Variants in TBC1D14 observed in about 807,000 individuals in gnomAD.
TBC1D14 encodes the protein TBC1 domain family member 14.
A neutral mutation model predicts 79.0 loss-of-function variants in TBC1D14; 26 were observed. That is an observed-to-expected ratio of 0.33 (90% CI 0.24 to 0.46). TBC1D14 has a LOEUF of 0.46. TBC1D14 is among the 20% of genes least tolerant of loss of function. TBC1D14 has a pLI of 1.00. For missense variants in TBC1D14, 769 were observed against 887.6 expected, an observed-to-expected ratio of 0.87 and a Z score of 1.70; for synonymous variants, 394 against 349.9, an observed-to-expected ratio of 1.13 and a Z score of -1.40.
At chr4:7,017,122 G>A (rs564944104) in intron 12 of TBC1D14, among the ~76,000 whole-genome samples, 96 of 152,272 alleles carry the variant, frequency 6.3e-4, no homozygotes, top group African/African-American at 1.3e-3. Context: ...CCAATGTGGC[G>A]AAACCCCGTC....
intron 2 of TBC1D14, among the ~76,000 whole-genome samples, chr4:6,949,285 C>A (rs543234285): frequency 6.6e-6 from 1 of 152,044 alleles, no homozygotes; most frequent in East Asian, 1.9e-4. Context: ...TTTTTCATTT[C>A]TATATAGATT....
At position 7,024,708 on chromosome 4, in the gene TBC1D14, G is replaced by A. The variant is rs558001627; in HGVS notation, c.1758-296G>A. 2.0e-5 allele frequency among the ~76,000 whole-genome samples: 3 copies of A among 152,344 alleles called. No homozygotes were observed. In the South Asian group the frequency reaches 6.2e-4, roughly 32 times the overall value. ...CAGCGGCCCCTAAGACAGGATGCCT[G>A]CCCCCACAGCGTGAGCACACAGTAG... On this transcript the variant is annotated intron_variant, in intron 12 of 13. Coordinates refer to ENST00000409757, the MANE Select transcript of TBC1D14 (RefSeq NM_020773.3).
chr4:7,001,286 C>T (rs1719650537), intron 7 of TBC1D14, 35 bp downstream of exon 7: 1 of 1,566,270 alleles, frequency 6.4e-7, no homozygotes, highest in Non-Finnish European at 8.8e-7. Flanking sequence ...GAGTCCACCT[C>T]CAGGCCCTTT....
intron 1 of TBC1D14, among the ~76,000 whole-genome samples, chr4:6,921,847 C>T (rs201576861): frequency 1.3e-5 from 2 of 152,044 alleles, no homozygotes; most frequent in African/African-American, 2.4e-5. Context: ...CAGGCGCACA[C>T]CACCACGCCT....
intron 3 of TBC1D14, among the ~76,000 whole-genome samples, chr4:6,981,522 C>G (rs1279403984): frequency 6.6e-6 from 1 of 152,178 alleles, no homozygotes; most frequent in African/African-American, 2.4e-5. Flanking sequence ...TACTTCCTCA[C>G]TCATTTTAAA....
chr4:6,994,527 T>C (rs1718813883), intron 4 of TBC1D14, among the ~76,000 whole-genome samples: 1 of 152,158 alleles, frequency 6.6e-6, no homozygotes. Context: ...TCCGTTCAGG[T>C]AATTTTTCTT....
At position 6,931,307 on chromosome 4, in the gene TBC1D14, G is replaced by A. The variant is rs572870351; in HGVS notation, c.722+7196G>A. 1.1e-4 allele frequency among the ~76,000 whole-genome samples: 16 copies of A among 152,310 alleles called. No homozygotes were observed. In the East Asian group the frequency reaches 1.5e-3, roughly 15 times the overall value. Reference sequence around the variant, plus strand: ...ATTTTCAGCAGATTGATTACCTCTCGATTGCAGAATGTCTGCACTTCTTTT... The same window carrying A: ...ATTTTCAGCAGATTGATTACCTCTCAATTGCAGAATGTCTGCACTTCTTTT... On this transcript the variant is annotated intron_variant, in intron 2 of 13. Transcript: ENST00000409757.
At chr4:6,945,749 C>CAAAAAAAAAAAAAAAAAAAAAAA (rs71173472) in intron 2 of TBC1D14, among the ~76,000 whole-genome samples, 4 of 64,134 alleles carry the variant, frequency 6.2e-5, no homozygotes, top group Non-Finnish European at 1.1e-4. Flanking sequence ...AACTGCGTCT[C>CAAAAAAAAAAAAAAAAAAAAAAA]AAAAAAAAAA....
At chr4:7,007,280 G>A (rs180901361) in intron 9 of TBC1D14, among the ~76,000 whole-genome samples, 59 of 152,320 alleles carry the variant, frequency 3.9e-4, no homozygotes, top group Non-Finnish European at 6.6e-4. Context: ...GGCTCCTTAG[G>A]TGGCAGGAAA....
At chr4:6,933,270 T>TCCCCTC (rs1452163124) in intron 2 of TBC1D14, among the ~76,000 whole-genome samples, 4 of 2,536 alleles carry the variant, frequency 1.6e-3, no homozygotes, top group African/African-American at 3.8e-3. Context: ...TCCCCTCCCT[T>TCCCCTC]CCCCTCCCCC....
Position 6,957,182 on chromosome 4 carries a change from C to T in TBC1D14, c.723-10122C>T, listed in dbSNP as rs184404157. ...GGGAAACTAGACTCCATGGGTCCAC[C>T]GGTACTTGCCTGGGGAGGCCTGGAA... On this transcript the variant is annotated intron_variant, in intron 2 of 13. Transcript: ENST00000409757. Among the ~76,000 whole-genome samples the T allele has an allele frequency of 1.8e-4, 28 of 152,306 alleles. No individual in the cohort carries two copies. In the East Asian group the frequency reaches 4.1e-3, roughly 22 times the overall value.
intron 2 of TBC1D14, among the ~76,000 whole-genome samples, chr4:6,946,565 C>G (rs1007082752): frequency 1.3e-5 from 2 of 152,194 alleles, no homozygotes; most frequent in South Asian, 4.1e-4. Flanking sequence ...TTGTGATCCA[C>G]CTGCCTCGGC....
At chr4:6,981,916 T>C (rs1188698077) in intron 3 of TBC1D14, among the ~76,000 whole-genome samples, 4 of 152,202 alleles carry the variant, frequency 2.6e-5, no homozygotes, top group Non-Finnish European at 4.4e-5. Flanking sequence ...GCTAACATGC[T>C]TAATGGAGAA....
At chr4:6,942,727 C>G (rs771964470) in intron 2 of TBC1D14, among the ~76,000 whole-genome samples, 7 of 152,120 alleles carry the variant, frequency 4.6e-5, no homozygotes, top group African/African-American at 2.4e-5. Flanking sequence ...TCCCCGCCCC[C>G]ACATCCTGCA....
chr4:6,974,049 C>G (rs946477755), intron 3 of TBC1D14, among the ~76,000 whole-genome samples: 6 of 152,094 alleles, frequency 3.9e-5, no homozygotes, highest in African/African-American at 1.4e-4. Context: ...GTCTCGAACT[C>G]CTGACCTCAG....
At chr4:7,015,226 C>T (rs558732213) in intron 12 of TBC1D14, among the ~76,000 whole-genome samples, 32 of 151,252 alleles carry the variant, frequency 2.1e-4, no homozygotes, top group African/African-American at 7.8e-4. Context: ...GATCCAGCGG[C>T]GAGTTTTAAG....
At chr4:6,956,847 A>C (rs1006461189) in intron 2 of TBC1D14, among the ~76,000 whole-genome samples, 1 of 152,166 alleles carries the variant, frequency 6.6e-6, no homozygotes, top group Non-Finnish European at 1.5e-5. Flanking sequence ...CCTTCTCACC[A>C]AGAGAGCCGC....
At chr4:6,925,270 AAAAC>A (rs577778566) in intron 2 of TBC1D14, among the ~76,000 whole-genome samples, 237 of 152,160 alleles carry the variant, frequency 1.6e-3, no homozygotes, top group Non-Finnish European at 2.8e-3. Flanking sequence ...CCATCTCAAA[AAAAC>A]AAACAAACAA....
intron 4 of TBC1D14, 106 bp downstream of exon 4, chr4:6,994,408 A>C (rs1718802094): frequency 2.1e-6 from 2 of 950,522 alleles, no homozygotes; most frequent in Non-Finnish European, 3.4e-6. Flanking sequence ...AGGGGAGAAG[A>C]GTAAGCCAGA....
Sources: allele counts gnomAD v4.1 joint callset (sites outside exome capture counted in the v4.1 genomes callset), GRCh38; gene constraint gnomAD v4.1.1; transcripts MANE v1.5; gene names NCBI Gene and HGNC (gene_info 2026-07-23, HGNC 2026-07-21).